The following FHDC1 variants were observed in gnomAD, a reference collection of about 807,000 sequenced individuals.
FHDC1 encodes FH2 domain-containing protein 1.
FHDC1 carries 25 observed loss-of-function variants against 52.6 expected under a neutral mutation model. That is an observed-to-expected ratio of 0.48 (90% CI 0.35 to 0.66). FHDC1 has a LOEUF of 0.66. FHDC1 is among the 30% of genes least tolerant of loss of function. The pLI is 0.01. For missense variants in FHDC1, 1,459 were observed against 1,452.8 expected, an observed-to-expected ratio of 1.00 and a Z score of -0.07; for synonymous variants, 616 against 581.5, an observed-to-expected ratio of 1.06 and a Z score of -0.85.
At chr4:152,948,305 TGAG>T (rs1198761515) in intron 2 of FHDC1, among the ~76,000 whole-genome samples, 1 of 152,240 alleles carries the variant, frequency 6.6e-6, no homozygotes, top group East Asian at 1.9e-4. Context: ...TCCTTCACCT[TGAG>T]GACATTATGC....
intron 4 of FHDC1, among the ~76,000 whole-genome samples, chr4:152,957,589 T>A (rs1415326934): frequency 4.6e-5 from 7 of 152,264 alleles, no homozygotes; most frequent in Non-Finnish European, 1.0e-4. Flanking sequence ...CTCGCGCTGC[T>A]GGCCTGCCAG....
At position 152,976,030 on chromosome 4, in the gene FHDC1, A is replaced by C; in HGVS notation, c.2739A>C (p.Arg913Ser). The C allele has an allele frequency of 6.4e-7, 1 of 1,561,810 alleles. No homozygotes were observed. Among genetic ancestry groups the C allele is most frequent in the Non-Finnish European group, 8.6e-7 (1 of 1,158,470 alleles). ...TCATGCCCATCACCAAGTCCAGCAG[A>C]GGCGCCGGCTGGAGGCGACCAGAGC... ...RKVMPITKSS[R>S]GAGWRRPELS... The change falls in exon 12 of 12, where the codon AGA (arginine) becomes AGC (serine). Residue 913 changes from arginine (R) to serine (S), a missense_variant. This residue lies in a region of FHDC1 where 939 missense variants were observed against 854.5 expected (regional missense o/e 1.10). Coordinates refer to ENST00000511601, the MANE Select transcript of FHDC1 (RefSeq NM_001371116.1).
upstream of FHDC1, chr4:152,936,279 C>G (rs2149931385): frequency 6.6e-6 from 1 of 152,346 alleles, no homozygotes; most frequent in South Asian, 2.1e-4. Context: ...CCGCTGCGCC[C>G]CGCCCCGCCC....
At chr4:152,921,416 T>C in the FHDC1 span, among the ~76,000 whole-genome samples, 5 of 152,300 alleles carry the variant, frequency 3.3e-5, no homozygotes, top group East Asian at 9.6e-4. Context: ...AATTTTTTAA[T>C]ATTTTACCCA....
chr4:152,949,773 G>C (rs747986605), intron 2 of FHDC1, among the ~76,000 whole-genome samples: 2 of 152,232 alleles, frequency 1.3e-5, no homozygotes, highest in Admixed American at 1.3e-4. Context: ...GAAACTGTGA[G>C]TAGAGCCCAG....
intron 2 of FHDC1, among the ~76,000 whole-genome samples, chr4:152,949,916 G>A (rs975276524): frequency 2.6e-5 from 4 of 152,206 alleles, no homozygotes; most frequent in African/African-American, 9.7e-5. Flanking sequence ...AAGAGGTAAC[G>A]AACTCTGCAG....
the FHDC1 span, among the ~76,000 whole-genome samples, chr4:152,913,815 G>T: frequency 6.6e-6 from 1 of 152,108 alleles, no homozygotes; most frequent in Non-Finnish European, 1.5e-5. Flanking sequence ...CAAGTAACTG[G>T]GATTACAGGC....
Position 152,976,675 on chromosome 4 carries a change from C to T in FHDC1, c.3384C>T (p.Asp1128=). 1 of 1,553,322 alleles carries T rather than the reference C, an allele frequency of 6.4e-7. No individual in the cohort carries two copies. The highest frequency in any genetic ancestry group is 8.7e-7 in the Non-Finnish European group (1 of 1,150,480). Residue 1128 remains aspartate (D), a synonymous_variant, in exon 12 of 12, where the codon GAC becomes GAT. Coordinates refer to ENST00000511601, the MANE Select transcript of FHDC1 (RefSeq NM_001371116.1). ...AAAGGGCCTCCCTCCGTCGGAAGGACTCCAGTCGGACCACGCTGGGGAGAA... is the reference window on the plus strand; with the variant it reads ...AAAGGGCCTCCCTCCGTCGGAAGGATTCCAGTCGGACCACGCTGGGGAGAA... ...AGERASLRRK[D]SSRTTLGRIL...
intron 4 of FHDC1, among the ~76,000 whole-genome samples, chr4:152,956,094 T>C (rs1206223820): frequency 6.6e-6 from 1 of 152,264 alleles, no homozygotes; most frequent in Non-Finnish European, 1.5e-5. Context: ...GGATTGTACA[T>C]ACTGAACAGT....
At chr4:152,936,696 G>T (rs570583011) in intron 1 of FHDC1, among the ~76,000 whole-genome samples, 4 of 152,388 alleles carry the variant, frequency 2.6e-5, no homozygotes, top group Non-Finnish European at 4.4e-5. Context: ...GGACGCGCCG[G>T]TGTGGACCCG....
Position 152,972,325 on chromosome 4 carries a change from C to T in FHDC1, c.1219-52C>T, listed in dbSNP as rs140668731. The T allele has an allele frequency of 6.8e-4, 1,037 of 1,531,290 alleles. 9 individuals carry two copies. The African/African-American group carries it at 0.012, about 18-fold the overall frequency. The allele number at this position is 1,531,290 out of a possible 1,614,324, so 94.9% of individuals were successfully genotyped here. A position where few individuals can be genotyped will look rare whatever the true frequency, so the allele number is the denominator to read the frequency against. On this transcript the variant is annotated intron_variant, in intron 10 of 11. Coordinates refer to ENST00000511601, the MANE Select transcript of FHDC1 (RefSeq NM_001371116.1). ...GGGCACCGGATGCAGTGCCCAGCGC[C>T]GCCTCAGCTGACAACGTTTACCTCA...
In FHDC1 at chr4:152,972,373, GC is replaced by G. The variant is rs745740531; in HGVS notation, c.1219-3del. The G allele has an allele frequency of 2.5e-6, 4 of 1,592,982 alleles. No individual in the cohort carries two copies. Among genetic ancestry groups the G allele is most frequent in the Non-Finnish European group, 3.4e-6 (4 of 1,174,180 alleles). ...TCAGTGTGTGTTCGTTTGTTTTTCCGCAGTTTGCCATAGAAAAGCTGAGGGA... is the reference window on the plus strand; with the variant it reads ...TCAGTGTGTGTTCGTTTGTTTTTCCGAGTTTGCCATAGAAAAGCTGAGGGA... On this transcript the variant is annotated splice_polypyrimidine_tract_variant and splice_region_variant and intron_variant, in intron 10 of 11. Transcript: ENST00000511601.
intron 2 of FHDC1, among the ~76,000 whole-genome samples, chr4:152,951,617 G>A (rs369478635): frequency 3.9e-5 from 6 of 152,258 alleles, no homozygotes; most frequent in African/African-American, 1.4e-4. Flanking sequence ...TCTCGCTGCT[G>A]GTTATCAACT....
intron 2 of FHDC1, among the ~76,000 whole-genome samples, chr4:152,949,837 C>T (rs571065845): frequency 3.3e-5 from 5 of 152,228 alleles, no homozygotes; most frequent in East Asian, 1.9e-4. Context: ...GAGTTGAGTG[C>T]GTTAATTACC....
chr4:152,928,474 C>T, the FHDC1 span, among the ~76,000 whole-genome samples: 2 of 152,174 alleles, frequency 1.3e-5, no homozygotes, highest in South Asian at 2.1e-4. Context: ...GGGAAAGGCC[C>T]AGCTGAAGTT....
chr4:152,960,450 T>C (rs1174200870), intron 4 of FHDC1, 115 bp from the exon 5 acceptor site: 10 of 936,782 alleles, frequency 1.1e-5, no homozygotes, highest in Non-Finnish European at 1.6e-5. Flanking sequence ...TAAATTAATT[T>C]GAATTTAGCA....
At chr4:152,962,940 G>GGTGT (rs34181980) in intron 7 of FHDC1, 56 bp downstream of exon 7, 81,798 of 918,958 alleles carry the variant, frequency 0.089, 1,237 homozygotes, top group African/African-American at 0.15. Context: ...TCTATCTAAA[G>GGTGT]GTGTGTGTGT....
intron 6 of FHDC1, among the ~76,000 whole-genome samples, chr4:152,961,420 A>G (rs547048744): frequency 2.2e-4 from 34 of 152,216 alleles, no homozygotes; most frequent in Middle Eastern, 6.8e-3. Context: ...GGCCATTTTC[A>G]TTTATTTGAA....
At chr4:152,911,429 A>G in the FHDC1 span, 1 of 152,452 alleles carries the variant, frequency 6.6e-6, no homozygotes, top group African/African-American at 2.4e-5. Flanking sequence ...AGAGGATTGG[A>G]AAGGCCAGTA....
Sources: gnomAD v4.1 joint callset for allele counts (sites outside exome capture counted in the v4.1 genomes callset) on GRCh38, gnomAD v4.1.1 for gene constraint, gnomAD v4.1.1 regional missense constraint, MANE v1.5 for transcripts, NCBI Gene and HGNC (gene_info 2026-07-23, HGNC 2026-07-21) for gene names.